TNKS: variants seen among roughly 807,000 people sequenced by gnomAD.
The protein encoded by TNKS is tankyrase.
A neutral mutation model predicts 135.8 loss-of-function variants in TNKS; 72 were observed. The ratio of observed to expected loss-of-function variants is 0.53; its 90% CI spans 0.44 to 0.64. The LOEUF is 0.64. TNKS is among the 30% of genes least tolerant of loss of function. The pLI, the probability that TNKS is intolerant of heterozygous loss-of-function variation, is 0.00. For synonymous variants in TNKS, 849 were observed against 649.3 expected (o/e 1.31, Z -4.68); for missense variants, 1,769 against 1,674.0 (o/e 1.06, Z -0.99).
At chr8:9,771,173 G>A (rs1456835335) in intron 26 of TNKS, among the ~76,000 whole-genome samples, 1 of 147,912 alleles carries the variant, frequency 6.8e-6, no homozygotes, top group Non-Finnish European at 1.5e-5. Flanking sequence ...AGGAAAGGAG[G>A]GAGAGAAGAG....
At chr8:9,672,707 C>A (rs1282953940) in intron 3 of TNKS, among the ~76,000 whole-genome samples, 222 of 104,252 alleles carry the variant, frequency 2.1e-3, no homozygotes, top group African/African-American at 7.4e-3. Flanking sequence ...CACACACACA[C>A]ACACAAAAAA....
chr8:9,623,165 A>T (rs1799928489), intron 3 of TNKS, among the ~76,000 whole-genome samples: 1 of 152,238 alleles, frequency 6.6e-6, no homozygotes, highest in African/African-American at 2.4e-5. Flanking sequence ...ATAATGGGGA[A>T]TATCATAAAC....
At chr8:9,772,974 G>A (rs548360899) in intron 26 of TNKS, among the ~76,000 whole-genome samples, 44 of 150,964 alleles carry the variant, frequency 2.9e-4, no homozygotes, top group South Asian at 1.9e-3. Context: ...GTGAGGTTAT[G>A]TAGCTGTTTT....
chr8:9,600,282 T>G (rs931082035), intron 2 of TNKS, among the ~76,000 whole-genome samples: 1 of 152,074 alleles, frequency 6.6e-6, no homozygotes, highest in African/African-American at 2.4e-5. Context: ...GTAGTGAACT[T>G]TATTTTTTTG....
At chr8:9,711,196 T>C (rs892438259) in intron 11 of TNKS, among the ~76,000 whole-genome samples, 1 of 152,198 alleles carries the variant, frequency 6.6e-6, no homozygotes, top group African/African-American at 2.4e-5. Context: ...CAATTTATAA[T>C]ACTTTTATTT....
intron 1 of TNKS, among the ~76,000 whole-genome samples, chr8:9,571,847 A>G (rs1797770826): frequency 6.6e-6 from 1 of 152,146 alleles, no homozygotes; most frequent in African/African-American, 2.4e-5. Context: ...TTGAATATAA[A>G]GAGTTTCTCA....
At chr8:9,615,386 A>G (rs1048023163) in intron 2 of TNKS, 196 bp from the exon 3 acceptor site, 2 of 452,266 alleles carry the variant, frequency 4.4e-6, no homozygotes, top group African/African-American at 2.0e-5. Flanking sequence ...ATATTGTACC[A>G]TAAGTTGCCA....
At chr8:9,699,420 C>T (rs755091768) in intron 5 of TNKS, among the ~76,000 whole-genome samples, 36 of 152,108 alleles carry the variant, frequency 2.4e-4, no homozygotes, top group Non-Finnish European at 4.7e-4. Flanking sequence ...TTTGAAAAAC[C>T]TCAGGGCTTT....
intron 2 of TNKS, among the ~76,000 whole-genome samples, chr8:9,604,428 TG>T (rs1045643545): frequency 4.6e-5 from 7 of 152,180 alleles, no homozygotes; most frequent in African/African-American, 1.7e-4. Flanking sequence ...AATTGCTTTT[TG>T]CAAGTTGGTA....
intron 3 of TNKS, among the ~76,000 whole-genome samples, chr8:9,676,408 T>A (rs1243837775): frequency 6.6e-6 from 1 of 152,172 alleles, no homozygotes; most frequent in Non-Finnish European, 1.5e-5. Context: ...CCAAATGACT[T>A]ATTTTTACAA....
chr8:9,749,371 A>T (rs1332259289), intron 18 of TNKS, among the ~76,000 whole-genome samples: 1 of 152,100 alleles, frequency 6.6e-6, no homozygotes, highest in African/African-American at 2.4e-5. Context: ...TATCAGGGCC[A>T]TCTACTCTGG....
chr8:9,776,359 C>A (rs1009481190), intron 26 of TNKS, among the ~76,000 whole-genome samples: 3 of 152,182 alleles, frequency 2.0e-5, no homozygotes, highest in African/African-American at 7.2e-5. Flanking sequence ...AGTGCTACCT[C>A]GGGCCTTAGT....
At chr8:9,658,657 T>A (rs1277358759) in intron 3 of TNKS, among the ~76,000 whole-genome samples, 3 of 152,172 alleles carry the variant, frequency 2.0e-5, no homozygotes, top group Non-Finnish European at 4.4e-5. Context: ...CCTTCAAGAC[T>A]AGGAAGAAAC....
intron 1 of TNKS, among the ~76,000 whole-genome samples, chr8:9,568,938 T>G (rs907931919): frequency 6.6e-5 from 10 of 152,238 alleles, no homozygotes; most frequent in Non-Finnish European, 1.2e-4. Flanking sequence ...CAGAAACGGG[T>G]ATACCTGTAC....
At chr8:9,668,093 T>C (rs1229346643) in intron 3 of TNKS, among the ~76,000 whole-genome samples, 1 of 152,210 alleles carries the variant, frequency 6.6e-6, no homozygotes, top group Non-Finnish European at 1.5e-5. Flanking sequence ...CTGATGAAAG[T>C]AATCACCCGT....
intron 3 of TNKS, among the ~76,000 whole-genome samples, chr8:9,630,462 G>T (rs969120112): frequency 6.6e-6 from 1 of 152,188 alleles, no homozygotes; most frequent in Non-Finnish European, 1.5e-5. Context: ...TGTTAAATCT[G>T]TGTTGGTCTG....
intron 2 of TNKS, among the ~76,000 whole-genome samples, chr8:9,598,605 A>T (rs1798880887): frequency 6.6e-6 from 1 of 150,754 alleles, no homozygotes; most frequent in Admixed American, 6.6e-5. Flanking sequence ...CTGAGGTGGG[A>T]GGATCAACTG....
intron 22 of TNKS, among the ~76,000 whole-genome samples, chr8:9,763,859 A>G (rs1214239187): frequency 6.6e-6 from 1 of 152,182 alleles, no homozygotes; most frequent in African/African-American, 2.4e-5. Context: ...TGTTATGCAC[A>G]TACCTAGGCA....
intron 2 of TNKS, among the ~76,000 whole-genome samples, chr8:9,592,748 C>T (rs571855729): frequency 6.6e-6 from 1 of 152,122 alleles, no homozygotes; most frequent in East Asian, 1.9e-4. Context: ...TTCTGTCTGA[C>T]TTTTTTTTAT....
Sources: gnomAD v4.1 joint callset for allele counts (sites outside exome capture counted in the v4.1 genomes callset) on GRCh38, gnomAD v4.1.1 for gene constraint, MANE v1.5 for transcripts, NCBI Gene and HGNC (gene_info 2026-07-23, HGNC 2026-07-21) for gene names.